PLXDC2: variants seen among roughly 807,000 people sequenced by gnomAD.
PLXDC2 encodes the protein plexin domain containing 2, also known as plexin domain-containing protein 2.
In PLXDC2, 40 loss-of-function variants were observed where a neutral mutation model predicts 68.9. The observed-to-expected ratio is 0.58, with a 90% CI of 0.45 to 0.76. PLXDC2 has a LOEUF of 0.76. PLXDC2 is among the 30% of genes least tolerant of loss of function. The pLI is 0.00. For missense variants in PLXDC2, 644 were observed against 661.9 expected (o/e 0.97, Z 0.30); for synonymous variants, 243 against 234.2 (o/e 1.04, Z -0.34).
intron 4 of PLXDC2, among the ~76,000 whole-genome samples, chr10:20,085,075 A>G (rs1211163670): frequency 6.6e-6 from 1 of 151,764 alleles, no homozygotes; most frequent in South Asian, 2.1e-4. Context: ...TTTTTCCTCC[A>G]GAGTTGCTGG....
intron 1 of PLXDC2, among the ~76,000 whole-genome samples, chr10:19,922,139 G>A (rs1424787808): frequency 2.6e-5 from 4 of 152,176 alleles, no homozygotes; most frequent in Admixed American, 6.5e-5. Flanking sequence ...GATTACAGGC[G>A]TGAGCCACCG....
At chr10:20,072,869 C>G (rs1450090500) in intron 4 of PLXDC2, among the ~76,000 whole-genome samples, 2 of 152,192 alleles carry the variant, frequency 1.3e-5, no homozygotes, top group African/African-American at 4.8e-5. Context: ...TCAAGGACTT[C>G]TGAACCATAG....
chr10:20,034,885 G>A (rs1564290258), intron 2 of PLXDC2, among the ~76,000 whole-genome samples: 2 of 152,072 alleles, frequency 1.3e-5, no homozygotes, highest in Admixed American at 6.6e-5. Context: ...ACATAGCCTA[G>A]GTGTGAAGTA....
chr10:19,891,196 C>G (rs1413356367), intron 1 of PLXDC2, among the ~76,000 whole-genome samples: 1 of 151,970 alleles, frequency 6.6e-6, no homozygotes, highest in East Asian at 1.9e-4. Context: ...TCCTTAAAAA[C>G]AACAAAAAAG....
chr10:19,944,682 G>C (rs1179044311), intron 1 of PLXDC2, among the ~76,000 whole-genome samples: 2 of 152,164 alleles, frequency 1.3e-5, no homozygotes, highest in Non-Finnish European at 2.9e-5. Context: ...CGGGTATGGT[G>C]GCTCACGCCT....
chr10:20,098,542 G>T (rs1833382669), intron 4 of PLXDC2, among the ~76,000 whole-genome samples: 1 of 152,112 alleles, frequency 6.6e-6, no homozygotes, highest in African/African-American at 2.4e-5. Context: ...AGTAACGTTT[G>T]TGATTCCAGA....
chr10:19,926,917 A>G (rs1304081014), intron 1 of PLXDC2, among the ~76,000 whole-genome samples: 1 of 152,102 alleles, frequency 6.6e-6, no homozygotes, highest in Non-Finnish European at 1.5e-5. Context: ...CTAACCTAGG[A>G]GTTTTCCTCA....
rs149094413 is a variant in PLXDC2, at chr10:20,096,271, G to A, written c.541+28032G>A. On this transcript the variant is annotated intron_variant, in intron 4 of 13. Transcript: ENST00000377252. ...TTAAATGATTTGGGCATGACTCCTC[G>A]TCACCCACTTTTTAAATCAGGGCTA... Among the ~76,000 whole-genome samples, 129 of 152,176 alleles carry A rather than the reference G, an allele frequency of 8.5e-4. 1 individual carries two copies. Among genetic ancestry groups the A allele is most frequent in the Middle Eastern group, 3.4e-3 (1 of 294 alleles).
chr10:20,121,779 C>G (rs1204944199), intron 4 of PLXDC2, among the ~76,000 whole-genome samples: 4 of 152,128 alleles, frequency 2.6e-5, no homozygotes, highest in Non-Finnish European at 5.9e-5. Context: ...ACTTGAAAGG[C>G]TTGTCTGGTT....
chr10:20,274,097 AAAGGAAGGAAAGAAAG>A (rs571488107), intron 13 of PLXDC2, among the ~76,000 whole-genome samples: 15 of 151,664 alleles, frequency 9.9e-5, no homozygotes, highest in East Asian at 1.9e-4. Flanking sequence ...GGAGAGGAGG[AAAGGAAGGAAAGAAAG>A]AAGGAAGGAA....
At chr10:20,204,363 A>T (rs1834961484) in intron 9 of PLXDC2, among the ~76,000 whole-genome samples, 1 of 152,180 alleles carries the variant, frequency 6.6e-6, no homozygotes, top group African/African-American at 2.4e-5. Flanking sequence ...ATAATAAAAC[A>T]TGTTATTGGC....
At chr10:19,837,238 A>G (rs1589492899) in intron 1 of PLXDC2, among the ~76,000 whole-genome samples, 1 of 152,150 alleles carries the variant, frequency 6.6e-6, no homozygotes, top group African/African-American at 2.4e-5. Flanking sequence ...GAAGTGAAAT[A>G]TCAAGCTTAT....
At chr10:19,880,599 A>T (rs1189720225) in intron 1 of PLXDC2, among the ~76,000 whole-genome samples, 3 of 152,170 alleles carry the variant, frequency 2.0e-5, no homozygotes, top group Non-Finnish European at 2.9e-5. Context: ...GATAAAAGGG[A>T]TTACTGTATT....
At chr10:19,838,111 C>T (rs985636928) in intron 1 of PLXDC2, among the ~76,000 whole-genome samples, 1 of 152,020 alleles carries the variant, frequency 6.6e-6, no homozygotes, top group South Asian at 2.1e-4. Context: ...ACCGTCTTTC[C>T]ACCCCAGACT....
intron 1 of PLXDC2, 76 bp downstream of exon 1, chr10:19,817,267 C>T (rs1193548364): frequency 2.5e-6 from 3 of 1,202,984 alleles, no homozygotes; most frequent in Admixed American, 2.0e-5. Context: ...GCTCCCTACC[C>T]TCTCCCCCCA....
chr10:20,176,508 A>T (rs1044266791), intron 7 of PLXDC2, among the ~76,000 whole-genome samples: 5 of 152,098 alleles, frequency 3.3e-5, no homozygotes. Flanking sequence ...TGGAAGAATG[A>T]TTTAACTTCT....
At chr10:19,841,920 C>CA (rs752383889) in intron 1 of PLXDC2, among the ~76,000 whole-genome samples, 3 of 151,738 alleles carry the variant, frequency 2.0e-5, no homozygotes, top group East Asian at 1.9e-4. Flanking sequence ...TTATAACATA[C>CA]AAAAAAATAG....
rs553821076 is a variant in PLXDC2, at chr10:19,970,522, A to T, written c.113-31253A>T. On this transcript the variant is annotated intron_variant, in intron 1 of 13. Coordinates refer to ENST00000377252, the MANE Select transcript of PLXDC2 (RefSeq NM_032812.9). ...TTGGATTACACACATCACCCTTCAG[A>T]TTTCATAGCTGTTGCTAACTGCAAA... Among the ~76,000 whole-genome samples the T allele has an allele frequency of 3.4e-4, 52 of 152,278 alleles. 2 individuals are homozygous for T. The South Asian group carries it at 0.01, about 30-fold the overall frequency.
chr10:19,877,464 C>G (rs980014184), intron 1 of PLXDC2, among the ~76,000 whole-genome samples: 1 of 152,162 alleles, frequency 6.6e-6, no homozygotes, highest in Non-Finnish European at 1.5e-5. Context: ...CTCATACACC[C>G]ATGCATCTAG....
Sources: allele counts gnomAD v4.1 joint callset (sites outside exome capture counted in the v4.1 genomes callset), GRCh38; gene constraint gnomAD v4.1.1; transcripts MANE v1.5; gene names NCBI Gene and HGNC (gene_info 2026-07-23, HGNC 2026-07-21).